The following NCKAP5 variants were observed in gnomAD, a reference collection of about 807,000 sequenced individuals.
NCKAP5 encodes nck-associated protein 5.
NCKAP5 carries 92 observed loss-of-function variants against 167.0 expected under a neutral mutation model. That is an observed-to-expected ratio of 0.55 (90% CI 0.47 to 0.66). The LOEUF (loss-of-function observed/expected upper bound fraction) is 0.66. Ranked by LOEUF, NCKAP5 falls within the 30% of genes least tolerant of loss-of-function variation. The pLI, the probability that NCKAP5 is intolerant of heterozygous loss-of-function variation, is 0.00. For missense variants in NCKAP5, 2,378 were observed against 2,315.0 expected (o/e 1.03, Z -0.56); for synonymous variants, 891 against 877.4 (o/e 1.02, Z -0.27).
intron 3 of NCKAP5, among the ~76,000 whole-genome samples, chr2:133,409,990 A>G (rs958439758): frequency 1.3e-5 from 2 of 152,232 alleles, no homozygotes; most frequent in African/African-American, 2.4e-5. Flanking sequence ...ACATGTTCCA[A>G]TGAAGGAAAC....
At chr2:133,668,280 C>A in the NCKAP5 span, among the ~76,000 whole-genome samples, 1 of 151,900 alleles carries the variant, frequency 6.6e-6, no homozygotes, top group East Asian at 1.9e-4. Context: ...ATTTATTATT[C>A]TCTTGGAACT....
chr2:133,589,665 A>T, the NCKAP5 span, among the ~76,000 whole-genome samples: 4 of 152,200 alleles, frequency 2.6e-5, no homozygotes, highest in South Asian at 8.3e-4. Context: ...GCACATTATA[A>T]TCCTCCTCAT....
At chr2:133,285,995 ACTT>A (rs1355943329) in intron 4 of NCKAP5, among the ~76,000 whole-genome samples, 5 of 148,864 alleles carry the variant, frequency 3.4e-5, no homozygotes, top group African/African-American at 1.2e-4. Flanking sequence ...TTCTTCTGTG[ACTT>A]CTTTTTTTTT....
intron 5 of NCKAP5, among the ~76,000 whole-genome samples, chr2:133,137,769 C>T (rs2082847967): frequency 6.6e-6 from 1 of 152,232 alleles, no homozygotes; most frequent in Admixed American, 6.5e-5. Flanking sequence ...AGGAATACCG[C>T]TCAAAATCCT....
intron 6 of NCKAP5, among the ~76,000 whole-genome samples, chr2:133,078,448 T>G (rs565105722): frequency 1.3e-5 from 2 of 152,184 alleles, no homozygotes; most frequent in South Asian, 4.2e-4. Flanking sequence ...AACCTGTAGC[T>G]TTACAGTTTT....
At chr2:133,390,263 G>T (rs1428419818) in intron 3 of NCKAP5, among the ~76,000 whole-genome samples, 1 of 152,156 alleles carries the variant, frequency 6.6e-6, no homozygotes, top group East Asian at 1.9e-4. Flanking sequence ...ACTCCTTCCA[G>T]TGTCTTCTAT....
At chr2:133,102,789 A>T (rs967145772) in intron 6 of NCKAP5, among the ~76,000 whole-genome samples, 2 of 147,484 alleles carry the variant, frequency 1.4e-5, no homozygotes, top group African/African-American at 2.6e-5. Flanking sequence ...ACACACACAC[A>T]CTGTACATAA....
the NCKAP5 span, among the ~76,000 whole-genome samples, chr2:133,665,639 A>G: frequency 3.9e-5 from 6 of 152,260 alleles, no homozygotes; most frequent in East Asian, 1.9e-4. Flanking sequence ...ACACAAAATG[A>G]TCACATGCTG....
At chr2:133,630,401 C>G in the NCKAP5 span, among the ~76,000 whole-genome samples, 1 of 152,080 alleles carries the variant, frequency 6.6e-6, no homozygotes, top group South Asian at 2.1e-4. Flanking sequence ...GTGATGGTTA[C>G]ACGTATCTGT....
chr2:133,096,826 A>G (rs1057475133), intron 6 of NCKAP5, among the ~76,000 whole-genome samples: 1 of 152,184 alleles, frequency 6.6e-6, no homozygotes, highest in Non-Finnish European at 1.5e-5. Flanking sequence ...CGCAGATAAT[A>G]GTGTTATCTA....
chr2:133,035,994 T>C (rs2079028538), intron 6 of NCKAP5, among the ~76,000 whole-genome samples: 1 of 151,752 alleles, frequency 6.6e-6, no homozygotes, highest in South Asian at 2.1e-4. Context: ...AAAAGAGACA[T>C]TATAACTCAT....
At chr2:133,547,199 A>G (rs1048930664) in intron 2 of NCKAP5, among the ~76,000 whole-genome samples, 2 of 152,128 alleles carry the variant, frequency 1.3e-5, no homozygotes, top group African/African-American at 4.8e-5. Flanking sequence ...CCACGAGATT[A>G]TATCACACAC....
At chr2:132,907,436 G>A (rs1363001814) in intron 8 of NCKAP5, among the ~76,000 whole-genome samples, 2 of 152,154 alleles carry the variant, frequency 1.3e-5, no homozygotes, top group African/African-American at 4.8e-5. Context: ...TTAGCCCAGA[G>A]GGCTATAAAC....
the NCKAP5 span, among the ~76,000 whole-genome samples, chr2:133,589,550 G>C: frequency 1.4e-4 from 21 of 152,176 alleles, no homozygotes; most frequent in African/African-American, 5.1e-4. Context: ...TCTGGGAGTT[G>C]TCAGCATATA....
intron 6 of NCKAP5, 118 bp from the exon 7 acceptor site, chr2:132,994,357 T>G: frequency 1.4e-6 from 1 of 697,980 alleles, no homozygotes. Flanking sequence ...TGGAAATCTC[T>G]TTTCTCTCTA....
At chr2:133,583,989 C>T in the NCKAP5 span, among the ~76,000 whole-genome samples, 3 of 152,186 alleles carry the variant, frequency 2.0e-5, no homozygotes, top group African/African-American at 7.2e-5. Context: ...CTCCTGACCT[C>T]GTGATCCACC....
intron 2 of NCKAP5, among the ~76,000 whole-genome samples, chr2:133,531,286 CATTA>C (rs1359446698): frequency 6.6e-6 from 1 of 152,020 alleles, no homozygotes; most frequent in African/African-American, 2.4e-5. Context: ...TTACTTCAAT[CATTA>C]ATTTATTGAA....
intron 5 of NCKAP5, among the ~76,000 whole-genome samples, chr2:133,205,557 C>A (rs1001760425): frequency 6.6e-6 from 1 of 152,082 alleles, no homozygotes; most frequent in African/African-American, 2.4e-5. Context: ...AGTGGGACAC[C>A]ATATCCTTCC....
chr2:133,410,100 C>A lies in NCKAP5; in HGVS notation c.70-106990G>T, dbSNP rs548694073. On this transcript the variant is annotated intron_variant, in intron 3 of 19. Coordinates refer to ENST00000409261, the MANE Select transcript of NCKAP5 (RefSeq NM_207363.3). ...AATGCCCACAGGGTAATAGTAGCAACTCCCAAGTCTCATTTTAATCACGAT... is the reference window on the plus strand; with the variant it reads ...AATGCCCACAGGGTAATAGTAGCAAATCCCAAGTCTCATTTTAATCACGAT... 2.3e-3 allele frequency among the ~76,000 whole-genome samples: 354 copies of A among 152,314 alleles called. 2 individuals are homozygous for A. Among genetic ancestry groups the A allele is most frequent in the Admixed American group, 4.3e-3 (66 of 15,302 alleles).
Sources: allele counts gnomAD v4.1 joint callset (sites outside exome capture counted in the v4.1 genomes callset), GRCh38; gene constraint gnomAD v4.1.1; transcripts MANE v1.5; gene names NCBI Gene and HGNC (gene_info 2026-07-23, HGNC 2026-07-21).